Variants in SLC39A8 observed in about 807,000 individuals in gnomAD.
SLC39A8 encodes the protein metal cation symporter ZIP8.
In SLC39A8, 15 loss-of-function variants were observed where a neutral mutation model predicts 40.4. That is an observed-to-expected ratio of 0.37 (90% CI 0.25 to 0.57). The LOEUF (loss-of-function observed/expected upper bound fraction) is 0.57, where lower values mean the gene tolerates loss of function less well. SLC39A8 is among the 20% of genes least tolerant of loss of function. SLC39A8 has a pLI of 0.75. For missense variants in SLC39A8, 472 were observed against 558.8 expected, an observed-to-expected ratio of 0.84 and a Z score of 1.57; for synonymous variants, 223 against 221.6, an observed-to-expected ratio of 1.01 and a Z score of -0.06.
At position 102,262,504 on chromosome 4, in the gene SLC39A8, C is replaced by CA; in HGVS notation, c.*539dup. The CA allele has an allele frequency of 2.0e-6, 2 of 985,192 alleles. No homozygotes were observed. Among genetic ancestry groups the CA allele is most frequent in the Non-Finnish European group, 1.2e-6 (1 of 829,638 alleles). 61.0% of individuals were successfully genotyped at this position (985,192 alleles called of 1,614,324 possible). A position where few individuals can be genotyped will look rare whatever the true frequency, so the allele number is the denominator to read the frequency against. ...TTCCTAATTGAAATACAAAACAGAA[C>CA]AAAAAGCTGTGAGAAATCTTTTTTT... On this transcript the variant is annotated 3_prime_UTR_variant, in exon 9 of 9. Transcript: ENST00000356736.
intron 5 of SLC39A8, among the ~76,000 whole-genome samples, 197 bp downstream of exon 5, chr4:102,304,792 A>AC (rs913431038): frequency 9.9e-5 from 15 of 151,142 alleles, no homozygotes; most frequent in African/African-American, 3.4e-4. Context: ...AACAAAAATA[A>AC]CCTCCAAATT....
At chr4:102,339,863 G>T (rs1006935640) in intron 2 of SLC39A8, among the ~76,000 whole-genome samples, 2 of 151,846 alleles carry the variant, frequency 1.3e-5, no homozygotes, top group East Asian at 3.9e-4. Flanking sequence ...GAAAACACAG[G>T]TCTTATCTCA....
At chr4:102,312,563 TG>T (rs1734478787) in intron 3 of SLC39A8, among the ~76,000 whole-genome samples, 1 of 152,074 alleles carries the variant, frequency 6.6e-6, no homozygotes, top group Non-Finnish European at 1.5e-5. Flanking sequence ...ACAGAGCAAC[TG>T]GGGTTAAAAA....
At chr4:102,273,308 A>G (rs1732454872) in intron 6 of SLC39A8, among the ~76,000 whole-genome samples, 1 of 152,218 alleles carries the variant, frequency 6.6e-6, no homozygotes, top group African/African-American at 2.4e-5. Flanking sequence ...TTTTCCCTTC[A>G]TAATGTAAAC....
At chr4:102,318,396 C>A (rs919592053) in intron 2 of SLC39A8, among the ~76,000 whole-genome samples, 2 of 152,096 alleles carry the variant, frequency 1.3e-5, no homozygotes, top group East Asian at 1.9e-4. Context: ...ACGAACAGTG[C>A]AGCAGAACTG....
chr4:102,297,184 T>G (rs1197702293), intron 6 of SLC39A8, among the ~76,000 whole-genome samples: 1 of 152,120 alleles, frequency 6.6e-6, no homozygotes, highest in Non-Finnish European at 1.5e-5. Flanking sequence ...TGATTAAGCA[T>G]GTACGGAGAT....
At chr4:102,319,715 T>C (rs1310749605) in intron 2 of SLC39A8, among the ~76,000 whole-genome samples, 1 of 152,134 alleles carries the variant, frequency 6.6e-6, no homozygotes, top group Non-Finnish European at 1.5e-5. Flanking sequence ...CTGAGGTCTC[T>C]TTTCCCCTTG....
chr4:102,328,352 T>A (rs7684449), intron 2 of SLC39A8, among the ~76,000 whole-genome samples: 136 of 151,936 alleles, frequency 9.0e-4, no homozygotes, highest in African/African-American at 3.1e-3. Context: ...TTTTTTTTTT[T>A]AATTCATTGT....
At chr4:102,276,873 A>T (rs747290577) in intron 6 of SLC39A8, among the ~76,000 whole-genome samples, 1 of 152,184 alleles carries the variant, frequency 6.6e-6, no homozygotes, top group Non-Finnish European at 1.5e-5. Context: ...CATAAACAGA[A>T]CCAATGACAA....
Position 102,344,897 on chromosome 4 carries a change from C to G in SLC39A8, c.-235G>C. The G allele has an allele frequency of 7.7e-7, 1 of 1,298,566 alleles. No homozygotes were observed. The highest frequency in any genetic ancestry group is 9.7e-7 in the Non-Finnish European group (1 of 1,028,174). 80.4% of individuals were successfully genotyped at this position (1,298,566 alleles called of 1,614,324 possible). A position where few individuals can be genotyped will look rare whatever the true frequency, so the allele number is the denominator to read the frequency against. On this transcript the variant is annotated 5_prime_UTR_variant, in exon 2 of 9. Coordinates refer to ENST00000356736, the MANE Select transcript of SLC39A8 (RefSeq NM_001135146.2). Reference sequence around the variant, plus strand: ...AGGGGAGCGATAGGCGGAGTGGGCCCCCCGGCCTCCTGGAGAGCCTGAGAT... The same window carrying G: ...AGGGGAGCGATAGGCGGAGTGGGCCGCCCGGCCTCCTGGAGAGCCTGAGAT...
chr4:102,336,587 C>T (rs981617738), intron 2 of SLC39A8, among the ~76,000 whole-genome samples: 5 of 152,166 alleles, frequency 3.3e-5, no homozygotes, highest in Non-Finnish European at 7.3e-5. Context: ...AAATATTTGG[C>T]CTTGGAGGGC....
chr4:102,288,805 G>A (rs1277263305), intron 6 of SLC39A8, among the ~76,000 whole-genome samples: 1 of 152,142 alleles, frequency 6.6e-6, no homozygotes, highest in Non-Finnish European at 1.5e-5. Context: ...AGGTGACAAA[G>A]CTGAAGAAGA....
At chr4:102,288,291 G>A (rs1429918962) in intron 6 of SLC39A8, among the ~76,000 whole-genome samples, 19 of 151,864 alleles carry the variant, frequency 1.3e-4, no homozygotes, top group Non-Finnish European at 4.4e-5. Flanking sequence ...ATTGTTTTGG[G>A]ACACCATGAC....
chr4:102,273,028 A>C (rs900838385), intron 6 of SLC39A8, among the ~76,000 whole-genome samples: 1 of 152,312 alleles, frequency 6.6e-6, no homozygotes, highest in East Asian at 1.9e-4. Context: ...TTGTTTGGGC[A>C]GACACCAAGC....
chr4:102,333,268 G>A (rs1297781517), intron 2 of SLC39A8, among the ~76,000 whole-genome samples: 1 of 152,154 alleles, frequency 6.6e-6, no homozygotes, highest in East Asian at 1.9e-4. Context: ...GAGGGCGGCA[G>A]CAGTAACAGA....
intron 2 of SLC39A8, among the ~76,000 whole-genome samples, chr4:102,322,407 A>G: frequency 6.6e-6 from 1 of 152,202 alleles, no homozygotes; most frequent in East Asian, 1.9e-4. Context: ...CAAATAAAAG[A>G]GTACTGATGG....
At chr4:102,315,626 A>T in intron 3 of SLC39A8, 42 bp downstream of exon 3, 1 of 1,558,388 alleles carries the variant, frequency 6.4e-7, no homozygotes, top group Non-Finnish European at 8.7e-7. Context: ...ACAATGGTTC[A>T]TAGACTTTTC....
intron 2 of SLC39A8, among the ~76,000 whole-genome samples, chr4:102,322,872 C>T (rs1159969516): frequency 1.3e-5 from 2 of 151,986 alleles, no homozygotes; most frequent in East Asian, 3.9e-4. Context: ...CTTTAAATAC[C>T]ATTACAAAGC....
intron 6 of SLC39A8, among the ~76,000 whole-genome samples, chr4:102,271,133 A>T (rs1183824213): frequency 1.3e-5 from 2 of 151,962 alleles, no homozygotes; most frequent in Non-Finnish European, 2.9e-5. Context: ...CATGTGGAGA[A>T]GGAGGAAAAG....
Sources: allele counts gnomAD v4.1 joint callset (sites outside exome capture counted in the v4.1 genomes callset), GRCh38; gene constraint gnomAD v4.1.1; transcripts MANE v1.5; gene names NCBI Gene and HGNC (gene_info 2026-07-23, HGNC 2026-07-21).